KIF5A: variants seen among roughly 807,000 people sequenced by gnomAD.
KIF5A encodes the protein kinesin family member 5A, also known as kinesin heavy chain isoform 5A.
A neutral mutation model predicts 141.3 loss-of-function variants in KIF5A; 35 were observed. That is an observed-to-expected ratio of 0.25 (90% confidence interval 0.19 to 0.33). The LOEUF is 0.33. Ranked by LOEUF, KIF5A falls within the 10% of genes least tolerant of loss-of-function variation. KIF5A has a pLI of 1.00. For missense variants in KIF5A, 861 were observed against 1,314.3 expected (o/e 0.66, Z 5.33); for synonymous variants, 448 against 500.2 (o/e 0.90, Z 1.39).
rs547868157 is a variant in KIF5A, at chr12:57,577,703, C to G, written c.2301-10C>G. 2 of 1,612,344 alleles carry G rather than the reference C, an allele frequency of 1.2e-6. No homozygotes were observed. Among genetic ancestry groups the G allele is most frequent in the East Asian group, 2.2e-5 (1 of 44,868 alleles). ...GGATCTTTCCATTTCCCTTATTTCTCTTGCTACAGATTTCTGTACGAGCGA... is the reference window on the plus strand; with the variant it reads ...GGATCTTTCCATTTCCCTTATTTCTGTTGCTACAGATTTCTGTACGAGCGA... On this transcript the variant is annotated splice_polypyrimidine_tract_variant and intron_variant, in intron 20 of 28. Coordinates refer to ENST00000455537, the MANE Select transcript of KIF5A (RefSeq NM_004984.4).
In KIF5A at chr12:57,586,418, CT is replaced by C. The variant is rs1283269876; in HGVS notation, c.*2239del. On this transcript the variant is annotated 3_prime_UTR_variant, in exon 29 of 29. Transcript: ENST00000455537. ...ACACACGCAAACCCTTCACCAGAAG[CT>C]TCACACTACATCCTCCTCCTCCTCC... 6.6e-6 allele frequency: 1 copy of C among 152,414 alleles called. No homozygotes were observed. The highest frequency in any genetic ancestry group is 1.5e-5 in the Non-Finnish European group (1 of 68,056). The allele number at this position is 152,414 out of a possible 1,614,324, so 9.4% of individuals were successfully genotyped here.
At chr12:57,578,416 T>C in intron 23 of KIF5A, 74 bp downstream of exon 23, 1 of 990,314 alleles carries the variant, frequency 1.0e-6, no homozygotes, top group Non-Finnish European at 1.6e-6. Context: ...CAGAGGCCCC[T>C]TGGATTCAGG....
chr12:57,560,770 G>A lies in KIF5A; in HGVS notation c.130-2669G>A, dbSNP rs1026454015. 1.1e-3 allele frequency among the ~76,000 whole-genome samples: 172 copies of A among 152,120 alleles called. 1 individual carries two copies. The highest frequency in any genetic ancestry group is 9.1e-4 in the Non-Finnish European group (62 of 68,028). On this transcript the variant is annotated intron_variant, in intron 1 of 28. Transcript: ENST00000455537. ...CAATCCTAGCACTTTGGGAGGCTGA[G>A]GTGGGTGGATTGCTTGAGCCCAGGA...
rs371727146 is a variant in KIF5A at position 57,567,661 on chromosome 12, C to CTTTT, written c.714+57_714+60dup. ...TATGGGGTGGGTGGAAGCCTTGGCT[C>CTTTT]TTTTTTTTTTTTTTTTTGAGACAGA... On this transcript the variant is annotated intron_variant, in intron 8 of 28. Coordinates refer to ENST00000455537, the MANE Select transcript of KIF5A (RefSeq NM_004984.4). 6.9e-5 allele frequency: 90 copies of CTTTT among 1,313,038 alleles called. No homozygotes were observed. The East Asian group carries it at 1.5e-3, about 22-fold the overall frequency. 81.3% of individuals were successfully genotyped at this position (1,313,038 alleles called of 1,614,324 possible).
At chr12:57,574,083 A>G (rs1359874981) in intron 15 of KIF5A, among the ~76,000 whole-genome samples, 1 of 143,464 alleles carries the variant, frequency 7.0e-6, no homozygotes, top group South Asian at 2.1e-4. Context: ...CTCTGTCTCA[A>G]AAAAAAAAAA....
chr12:57,580,377 T>C (rs938752450), intron 23 of KIF5A, among the ~76,000 whole-genome samples: 3 of 152,214 alleles, frequency 2.0e-5, no homozygotes, highest in African/African-American at 7.2e-5. Context: ...TCAAACATTT[T>C]CTTTCCTTCC....
At position 57,573,718 on chromosome 12, in the gene KIF5A, A is replaced by G. The variant is rs1202770643; in HGVS notation, c.1716+992A>G. 2.0e-5 allele frequency among the ~76,000 whole-genome samples: 3 copies of G among 151,262 alleles called. No individual in the cohort carries two copies. The East Asian group carries it at 5.8e-4, about 29-fold the overall frequency. On this transcript the variant is annotated intron_variant, in intron 15 of 28. Transcript: ENST00000455537. ...GTGGCTCATGCCTGTAATCCCAGCTACTCACGTGGCTGAGGCAGGGGAATC... is the reference window on the plus strand; with the variant it reads ...GTGGCTCATGCCTGTAATCCCAGCTGCTCACGTGGCTGAGGCAGGGGAATC...
At chr12:57,558,012 T>G (rs2599999) in intron 1 of KIF5A, among the ~76,000 whole-genome samples, 2,050 of 152,350 alleles carry the variant, frequency 0.013, 20 homozygotes, top group Middle Eastern at 0.017. Flanking sequence ...CTTGTGGATC[T>G]TTCCAAAAAC....
chr12:57,551,689 G>A (rs1410931094), intron 1 of KIF5A, among the ~76,000 whole-genome samples: 1 of 152,130 alleles, frequency 6.6e-6, no homozygotes, highest in African/African-American at 2.4e-5. Context: ...CAGAGCACCT[G>A]GACACAGGCT....
intron 1 of KIF5A, among the ~76,000 whole-genome samples, chr12:57,557,950 C>T (rs1266027003): frequency 6.6e-6 from 1 of 152,188 alleles, no homozygotes; most frequent in Non-Finnish European, 1.5e-5. Flanking sequence ...GTTTCCTTCT[C>T]CTTCTCACCC....
At chr12:57,564,419 A>T in intron 4 of KIF5A, 41 bp from the exon 5 acceptor site, 1 of 1,449,376 alleles carries the variant, frequency 6.9e-7, no homozygotes, top group Admixed American at 1.7e-5. Flanking sequence ...GATTTAAGAT[A>T]GGCCCTCTTT....
intron 16 of KIF5A, 132 bp downstream of exon 16, chr12:57,575,404 C>A: frequency 8.7e-7 from 1 of 1,146,780 alleles, no homozygotes; most frequent in Non-Finnish European, 1.3e-6. Flanking sequence ...GACAGAAAAG[C>A]TGGGGTGGCA....
At chr12:57,571,486 C>T in intron 13 of KIF5A, 97 bp downstream of exon 13, 1 of 1,270,062 alleles carries the variant, frequency 7.9e-7, no homozygotes, top group Non-Finnish European at 1.1e-6. Context: ...GAAGAAGGCG[C>T]TTTCTGCTTG....
chr12:57,581,563 T>C lies in KIF5A; in HGVS notation c.2904T>C (p.Asp968=). The C allele has an allele frequency of 6.2e-7, 1 of 1,614,004 alleles. No individual in the cohort carries two copies. The highest frequency in any genetic ancestry group is 2.2e-5 in the East Asian group (1 of 44,874). ...YLQATPSSTS[D]MYFANSCTSS... ...AGGCCACACCCAGCTCCACCTCAGA[T>C]ATGTAGTGAGTGACCACACGTGTGG... Residue 968 remains aspartate (D), a synonymous_variant, in exon 25 of 29, where the codon GAT becomes GAC. Transcript: ENST00000455537.
intron 1 of KIF5A, among the ~76,000 whole-genome samples, chr12:57,555,784 C>T (rs1287459857): frequency 6.7e-6 from 1 of 149,778 alleles, no homozygotes; most frequent in Non-Finnish European, 1.5e-5. Flanking sequence ...TGGTGGGCGC[C>T]TGTAATCCCA....
chr12:57,563,596 C>T, intron 2 of KIF5A, 24 bp from the exon 3 acceptor site: 1 of 1,612,982 alleles, frequency 6.2e-7, no homozygotes, highest in Non-Finnish European at 8.5e-7. Flanking sequence ...TCCACCAGTA[C>T]TCTTTCTCTA....
At chr12:57,570,456 A>G (rs1390483709) in intron 12 of KIF5A, among the ~76,000 whole-genome samples, 1 of 152,080 alleles carries the variant, frequency 6.6e-6, no homozygotes, top group Non-Finnish European at 1.5e-5. Flanking sequence ...TAGAGTGCAG[A>G]GGCACGATTG....
intron 5 of KIF5A, 133 bp from the exon 6 acceptor site, chr12:57,564,785 C>A: frequency 1.1e-6 from 1 of 883,018 alleles, no homozygotes; most frequent in Non-Finnish European, 1.9e-6. Context: ...TCAGCTCGTG[C>A]AGGGAGTTTA....
At chr12:57,558,162 T>A (rs1881801448) in intron 1 of KIF5A, among the ~76,000 whole-genome samples, 1 of 152,098 alleles carries the variant, frequency 6.6e-6, no homozygotes, top group Non-Finnish European at 1.5e-5. Flanking sequence ...ATCTAAGCAC[T>A]TTGAGGCCGA....
Sources: gnomAD v4.1 joint callset for allele counts (sites outside exome capture counted in the v4.1 genomes callset) on GRCh38, gnomAD v4.1.1 for gene constraint, MANE v1.5 for transcripts, NCBI Gene and HGNC (gene_info 2026-07-23, HGNC 2026-07-21) for gene names.